Variants in AGBL4 observed in about 807,000 individuals in gnomAD.
The protein encoded by AGBL4 is cytosolic carboxypeptidase 6.
AGBL4 carries 58 observed loss-of-function variants against 66.4 expected under a neutral mutation model. The ratio of observed to expected loss-of-function variants is 0.87; its 90% confidence interval spans 0.71 to 1.09. The LOEUF (loss-of-function observed/expected upper bound fraction) is 1.09. Among genes scored for constraint, AGBL4 ranks in the 50% least tolerant of loss-of-function variants. The pLI is 0.00. For synonymous variants in AGBL4, 234 were observed against 222.9 expected (o/e 1.05, Z -0.44); for missense variants, 579 against 631.0 (o/e 0.92, Z 0.88).
chr1:49,533,608 T>C (rs1651320350), intron 3 of AGBL4, among the ~76,000 whole-genome samples: 1 of 152,106 alleles, frequency 6.6e-6, no homozygotes. Context: ...TGCAAGGTCT[T>C]CAATCTATTC....
intron 9 of AGBL4, among the ~76,000 whole-genome samples, chr1:48,594,497 A>G (rs1412121062): frequency 1.3e-5 from 2 of 152,198 alleles, no homozygotes; most frequent in African/African-American, 4.8e-5. Context: ...GTGTAATATA[A>G]AGATACTTTT....
At chr1:49,297,892 A>G (rs1449815461) in intron 3 of AGBL4, among the ~76,000 whole-genome samples, 1 of 152,130 alleles carries the variant, frequency 6.6e-6, no homozygotes, top group African/African-American at 2.4e-5. Context: ...GCCCTAAGAA[A>G]GTTGTCAGCC....
chr1:49,402,989 ATATC>A (rs2148614345), intron 3 of AGBL4, among the ~76,000 whole-genome samples: 1 of 152,320 alleles, frequency 6.6e-6, no homozygotes, highest in Non-Finnish European at 1.5e-5. Flanking sequence ...TGCTTCATAA[ATATC>A]TATTGGTTCC....
chr1:49,349,280 A>C (rs1645700774), intron 3 of AGBL4, among the ~76,000 whole-genome samples: 1 of 152,194 alleles, frequency 6.6e-6, no homozygotes, highest in African/African-American at 2.4e-5. Flanking sequence ...ATTCTGTTGA[A>C]ATTATCTGAT....
At chr1:49,929,688 A>T (rs1454605026) in intron 1 of AGBL4, among the ~76,000 whole-genome samples, 3 of 152,076 alleles carry the variant, frequency 2.0e-5, no homozygotes, top group African/African-American at 7.2e-5. Context: ...CCAGCTGGAA[A>T]CTGGGGTCTA....
At chr1:49,841,799 T>TAAAA in intron 2 of AGBL4, 1 of 266,338 alleles carries the variant, frequency 3.8e-6, no homozygotes, top group South Asian at 4.8e-5. Flanking sequence ...GACAATGTGA[T>TAAAA]AAAAAAAAAA....
At chr1:49,174,851 C>A (rs1314994649) in intron 4 of AGBL4, 1 of 151,904 alleles carries the variant, frequency 6.6e-6, no homozygotes, top group African/African-American at 2.4e-5. Flanking sequence ...AAAACACTGC[C>A]ATCTATTCTG....
chr1:49,970,147 CAAG>C (rs1657931939), intron 1 of AGBL4, among the ~76,000 whole-genome samples: 1 of 151,978 alleles, frequency 6.6e-6, no homozygotes, highest in South Asian at 2.1e-4. Context: ...CATAAATTAC[CAAG>C]AAGAAAACAT....
chr1:49,918,348 TAAA>T (rs919350823), intron 1 of AGBL4, among the ~76,000 whole-genome samples: 44 of 151,782 alleles, frequency 2.9e-4, no homozygotes, highest in African/African-American at 1.0e-3. Context: ...GCAAGACTAA[TAAA>T]GAAGAAAAGA....
Position 49,938,830 on chromosome 1 carries a change from T to C in AGBL4, c.34+84933A>G, listed in dbSNP as rs77297058. Among the ~76,000 whole-genome samples, 119 of 152,188 alleles carry C rather than the reference T, an allele frequency of 7.8e-4. 5 individuals carry two copies. In the East Asian group the frequency reaches 0.019, roughly 24 times the overall value. ...CTAAAAACTCTCAATAAATTCAACA[T>C]AGTGTTGGAAGTTCTGGCCAGGGCA... is the stretch of plus-strand genomic sequence containing the variant. On this transcript the variant is annotated intron_variant, in intron 1 of 13. Coordinates refer to ENST00000371839, the MANE Select transcript of AGBL4 (RefSeq NM_032785.4).
intron 1 of AGBL4, among the ~76,000 whole-genome samples, chr1:50,011,130 G>T (rs999825012): frequency 8.6e-5 from 13 of 151,608 alleles, no homozygotes; most frequent in African/African-American, 3.1e-4. Context: ...TGTTAAATTT[G>T]TTAATTTGTT....
intron 6 of AGBL4, among the ~76,000 whole-genome samples, chr1:48,729,254 C>G (rs1467153833): frequency 6.6e-6 from 1 of 152,116 alleles, no homozygotes; most frequent in East Asian, 1.9e-4. Flanking sequence ...GTGTTTGGCA[C>G]AGTGGCAAAC....
In AGBL4 at chr1:49,216,921, C is replaced by G. The variant is rs1242114048; in HGVS notation, c.377+28849G>C. 2.0e-5 allele frequency among the ~76,000 whole-genome samples: 3 copies of G among 152,152 alleles called. No individual in the cohort carries two copies. The East Asian group carries it at 5.8e-4, about 29-fold the overall frequency. On this transcript the variant is annotated intron_variant, in intron 4 of 13. Transcript: ENST00000371839. Reference sequence around the variant, plus strand: ...ACTTGCAATAACCGTATGGCTCCCCCTCGGTCCTTTGCCCATTCACTGGGA... The same window carrying G: ...ACTTGCAATAACCGTATGGCTCCCCGTCGGTCCTTTGCCCATTCACTGGGA...
At chr1:48,816,009 C>T (rs533699047) in intron 6 of AGBL4, among the ~76,000 whole-genome samples, 1 of 151,028 alleles carries the variant, frequency 6.6e-6, no homozygotes, top group East Asian at 1.9e-4. Context: ...CTAAACAAAA[C>T]ATGGGCAGAT....
chr1:49,828,929 C>A (rs186584128), intron 2 of AGBL4, among the ~76,000 whole-genome samples: 1 of 151,988 alleles, frequency 6.6e-6, no homozygotes, highest in African/African-American at 2.4e-5. Flanking sequence ...ATTGGCCGGG[C>A]GCGGTGGCAG....
chr1:49,227,067 A>G (rs1276436565), intron 4 of AGBL4, among the ~76,000 whole-genome samples: 1 of 152,166 alleles, frequency 6.6e-6, no homozygotes, highest in African/African-American at 2.4e-5. Flanking sequence ...CCCACCTCCT[A>G]TTACCATCAC....
intron 3 of AGBL4, among the ~76,000 whole-genome samples, chr1:49,420,860 GGGGA>G (rs1645531186): frequency 6.6e-6 from 1 of 152,164 alleles, no homozygotes; most frequent in Non-Finnish European, 1.5e-5. Context: ...GCTAGATGCT[GGGGA>G]TAATGAGGTG....
intron 2 of AGBL4, among the ~76,000 whole-genome samples, chr1:49,777,506 CATACAACTAAAAA>C (rs1644228150): frequency 6.6e-6 from 1 of 152,082 alleles, no homozygotes; most frequent in Non-Finnish European, 1.5e-5. Context: ...ATGTCAGTGG[CATACAACTAAAAA>C]ATACAACTTA....
chr1:49,953,017 C>T (rs535010100), intron 1 of AGBL4, among the ~76,000 whole-genome samples: 34 of 151,968 alleles, frequency 2.2e-4, no homozygotes, highest in African/African-American at 8.0e-4. Context: ...TTATGGCTAG[C>T]CAGTCTCCTT....
Sources: gnomAD v4.1 joint callset for allele counts (sites outside exome capture counted in the v4.1 genomes callset) on GRCh38, gnomAD v4.1.1 for gene constraint, MANE v1.5 for transcripts, NCBI Gene and HGNC (gene_info 2026-07-23, HGNC 2026-07-21) for gene names.